PPM1L: variants seen among roughly 807,000 people sequenced by gnomAD.
PPM1L encodes the protein protein phosphatase, Mg2+/Mn2+ dependent 1L, also known as protein phosphatase 1L.
In PPM1L, 13 loss-of-function variants were observed where a neutral mutation model predicts 31.4. The observed-to-expected ratio is 0.41, with a 90% CI of 0.27 to 0.66. The LOEUF (loss-of-function observed/expected upper bound fraction) is 0.66. PPM1L is among the 30% of genes least tolerant of loss of function. PPM1L has a pLI of 0.29. For missense variants in PPM1L, 326 were observed against 453.7 expected (o/e 0.72, Z 2.56); for synonymous variants, 184 against 175.4 (o/e 1.05, Z -0.39).
intron 2 of PPM1L, among the ~76,000 whole-genome samples, chr3:161,042,872 T>C (rs1322605941): frequency 6.6e-6 from 1 of 151,732 alleles, no homozygotes; most frequent in Non-Finnish European, 1.5e-5. Context: ...TACAAAAAAT[T>C]AGCTGGGCGT....
intron 1 of PPM1L, among the ~76,000 whole-genome samples, chr3:160,874,120 G>A (rs906320394): frequency 1.3e-5 from 2 of 152,174 alleles, no homozygotes; most frequent in Non-Finnish European, 2.9e-5. Flanking sequence ...TTTTCCAGAA[G>A]GGGTCAGATT....
intron 2 of PPM1L, among the ~76,000 whole-genome samples, chr3:160,995,042 T>C (rs1717263600): frequency 6.6e-6 from 1 of 152,136 alleles, no homozygotes. Flanking sequence ...TCAAATGGTG[T>C]TTTAAACAGC....
At chr3:160,918,825 A>G (rs1183413868) in intron 1 of PPM1L, among the ~76,000 whole-genome samples, 1 of 152,242 alleles carries the variant, frequency 6.6e-6, no homozygotes, top group Non-Finnish European at 1.5e-5. Flanking sequence ...CAGAAAAGAG[A>G]AAAAGCTCAT....
chr3:161,046,591 A>G (rs956998807), intron 2 of PPM1L, among the ~76,000 whole-genome samples: 12 of 152,242 alleles, frequency 7.9e-5, no homozygotes, highest in African/African-American at 2.7e-4. Flanking sequence ...TCATTTTATG[A>G]GGCCAGCATC....
intron 1 of PPM1L, among the ~76,000 whole-genome samples, chr3:160,871,836 A>G (rs554041892): frequency 6.6e-6 from 1 of 151,798 alleles, no homozygotes; most frequent in Non-Finnish European, 1.5e-5. Flanking sequence ...TTTCCTTACT[A>G]AAGTATTCCT....
At chr3:160,970,883 G>C (rs1192834833) in intron 2 of PPM1L, among the ~76,000 whole-genome samples, 1 of 144,288 alleles carries the variant, frequency 6.9e-6, no homozygotes, top group Non-Finnish European at 1.5e-5. Flanking sequence ...TCCGCCCCCT[G>C]GGGTTCACGC....
intron 1 of PPM1L, among the ~76,000 whole-genome samples, chr3:160,759,675 A>G (rs561407723): frequency 6.6e-6 from 1 of 152,306 alleles, no homozygotes; most frequent in East Asian, 1.9e-4. Flanking sequence ...TGGTGCGCTT[A>G]GAGTGTTACG....
At chr3:160,842,641 T>G (rs1713919236) in intron 1 of PPM1L, among the ~76,000 whole-genome samples, 1 of 152,172 alleles carries the variant, frequency 6.6e-6, no homozygotes, top group Non-Finnish European at 1.5e-5. Flanking sequence ...TCTCTTTATT[T>G]TTCCTTCTCT....
intron 2 of PPM1L, among the ~76,000 whole-genome samples, chr3:160,965,311 A>T (rs971448498): frequency 3.3e-5 from 5 of 152,084 alleles, no homozygotes; most frequent in African/African-American, 1.2e-4. Flanking sequence ...ACCATCCTAC[A>T]CAGAAGCTTC....
intron 1 of PPM1L, among the ~76,000 whole-genome samples, chr3:160,813,054 A>AT (rs897914540): frequency 1.3e-5 from 2 of 152,124 alleles, no homozygotes; most frequent in African/African-American, 2.4e-5. Flanking sequence ...AGCAGGTATT[A>AT]TTTTTTTGAA....
At chr3:160,993,344 C>G (rs572429206) in intron 2 of PPM1L, among the ~76,000 whole-genome samples, 1 of 152,156 alleles carries the variant, frequency 6.6e-6, no homozygotes, top group Admixed American at 6.5e-5. Flanking sequence ...AGATTAGTCT[C>G]GAGTTTGATA....
chr3:160,756,597 T>C lies in PPM1L; in HGVS notation c.289T>C (p.Ser97Pro). Residue 97 changes from serine to proline, a missense_variant, in exon 1 of 4, where the codon TCC (serine) becomes CCC (proline). Transcript: ENST00000498165. This position sits in a 1 kb window ranked among gnomAD's most constrained non-coding sequence, Gnocchi z 6.2. ...CAAGAACCACAACGTGGCGGTGTAC[T>C]CCATCCAGGGCCGGAGAGACCACAT... ...EFKNHNVAVY[S>P]IQGRRDHMED... is the part of the protein sequence containing the mutation. 1.9e-6 allele frequency: 3 copies of C among 1,614,066 alleles called. No homozygotes were observed. The African/African-American group carries it at 4.0e-5, about 22-fold the overall frequency.
chr3:160,786,703 A>T (rs970335033), intron 1 of PPM1L, among the ~76,000 whole-genome samples: 1 of 151,422 alleles, frequency 6.6e-6, no homozygotes, highest in African/African-American at 2.4e-5. Context: ...CCAGGTAGTG[A>T]GCATAGTACC....
chr3:160,940,088 G>A (rs972638518), intron 1 of PPM1L, among the ~76,000 whole-genome samples: 1 of 152,198 alleles, frequency 6.6e-6, no homozygotes, highest in African/African-American at 2.4e-5. Flanking sequence ...GAGACTGGTG[G>A]CATTTTGCCT....
At chr3:161,027,539 CT>C (rs1398725206) in intron 2 of PPM1L, among the ~76,000 whole-genome samples, 2 of 152,164 alleles carry the variant, frequency 1.3e-5, no homozygotes, top group African/African-American at 2.4e-5. Flanking sequence ...GAAACTCCTT[CT>C]TATAGAACCA....
intron 1 of PPM1L, among the ~76,000 whole-genome samples, chr3:160,811,187 T>C (rs1712792560): frequency 6.6e-6 from 1 of 152,130 alleles, no homozygotes; most frequent in Non-Finnish European, 1.5e-5. Flanking sequence ...AATGAAGGGG[T>C]CTAAGTACGG....
At chr3:160,928,136 G>A (rs185445765) in intron 1 of PPM1L, among the ~76,000 whole-genome samples, 1 of 152,260 alleles carries the variant, frequency 6.6e-6, no homozygotes, top group Non-Finnish European at 1.5e-5. Context: ...TTTATAGTTC[G>A]ATGATCTGGC....
At position 161,016,098 on chromosome 3, in the gene PPM1L, A is replaced by G. The variant is rs574897843; in HGVS notation, c.575-49305A>G. Among the ~76,000 whole-genome samples the G allele has an allele frequency of 2.0e-4, 31 of 152,190 alleles. 1 individual carries two copies. The South Asian group carries it at 6.4e-3, about 32-fold the overall frequency. Reference sequence around the variant, plus strand: ...TATTTGGTCTCATGAGACACTTCGGAATTAGTTATTTATACTATTTTTATC... The same window carrying G: ...TATTTGGTCTCATGAGACACTTCGGGATTAGTTATTTATACTATTTTTATC... On this transcript the variant is annotated intron_variant, in intron 2 of 3. Coordinates refer to ENST00000498165, the MANE Select transcript of PPM1L (RefSeq NM_139245.4).
chr3:160,846,138 T>A (rs192477218), intron 1 of PPM1L, among the ~76,000 whole-genome samples: 1 of 152,238 alleles, frequency 6.6e-6, no homozygotes, highest in Admixed American at 6.5e-5. Flanking sequence ...ACACATATAT[T>A]ATTTTAAAAG....
Sources: allele counts gnomAD v4.1 joint callset (sites outside exome capture counted in the v4.1 genomes callset), GRCh38; gene constraint gnomAD v4.1.1; non-coding constraint Gnocchi (gnomAD v3.1); transcripts MANE v1.5; gene names NCBI Gene and HGNC (gene_info 2026-07-23, HGNC 2026-07-21).